The following NRG1 variants were observed in gnomAD, a reference collection of about 807,000 sequenced individuals.
NRG1 encodes the protein pro-neuregulin-1, membrane-bound isoform.
In NRG1, 18 loss-of-function variants were observed where a neutral mutation model predicts 63.8. The ratio of observed to expected loss-of-function variants is 0.28; its 90% CI spans 0.19 to 0.42. NRG1 has a LOEUF of 0.42. Among genes scored for constraint, NRG1 ranks in the 10% least tolerant of loss-of-function variants. The pLI, the probability that NRG1 is intolerant of heterozygous loss-of-function variation, is 1.00. For synonymous variants in NRG1, 302 were observed against 301.3 expected (o/e 1.00, Z -0.02); for missense variants, 762 against 814.7 (o/e 0.94, Z 0.79).
intron 11 of NRG1, among the ~76,000 whole-genome samples, chr8:32,761,738 T>C (rs1331987014): frequency 2.0e-5 from 3 of 150,774 alleles, no homozygotes; most frequent in African/African-American, 7.3e-5. Flanking sequence ...GACTGGGGAG[T>C]ACTTACAATA....
chr8:32,685,262 A>C (rs1809781826), intron 5 of NRG1, among the ~76,000 whole-genome samples: 1 of 152,184 alleles, frequency 6.6e-6, no homozygotes, highest in South Asian at 2.1e-4. Context: ...TTCATATCTC[A>C]GCTCTGCCAC....
intron 11 of NRG1, among the ~76,000 whole-genome samples, chr8:32,762,153 G>A (rs575027805): frequency 6.6e-6 from 1 of 151,850 alleles, no homozygotes; most frequent in Non-Finnish European, 1.5e-5. Flanking sequence ...GAAATCAGAG[G>A]TTTCCCTGCA....
chr8:32,334,644 G>C (rs186968598), intron 1 of NRG1, among the ~76,000 whole-genome samples: 1 of 152,282 alleles, frequency 6.6e-6, no homozygotes, highest in East Asian at 1.9e-4. Context: ...AACTGAAAAG[G>C]CCCTGTTTCA....
intron 1 of NRG1, among the ~76,000 whole-genome samples, chr8:32,386,967 T>TA (rs371410098): frequency 0.11 from 16,887 of 151,886 alleles, 1,120 homozygotes; most frequent in Non-Finnish European, 0.15. Context: ...CTCACATATG[T>TA]AAAAAAAAAT....
chr8:31,681,098 G>A (rs1266971862), intron 1 of NRG1, among the ~76,000 whole-genome samples: 10 of 151,944 alleles, frequency 6.6e-5, no homozygotes, highest in Admixed American at 6.6e-4. Flanking sequence ...AATGCTACAT[G>A]ACAATTGGTT....
At chr8:31,826,144 T>C (rs1397230934) in intron 1 of NRG1, among the ~76,000 whole-genome samples, 1 of 152,166 alleles carries the variant, frequency 6.6e-6, no homozygotes, top group Non-Finnish European at 1.5e-5. Context: ...TATACCTAGG[T>C]GAACCCATGG....
intron 1 of NRG1, among the ~76,000 whole-genome samples, chr8:32,092,342 A>C (rs1563776637): frequency 6.6e-6 from 1 of 151,768 alleles, no homozygotes; most frequent in Non-Finnish European, 1.5e-5. Flanking sequence ...TTGTAGTAAC[A>C]GCTGCTCAAG....
At chr8:31,728,241 A>T (rs1260428296) in intron 1 of NRG1, among the ~76,000 whole-genome samples, 1 of 152,084 alleles carries the variant, frequency 6.6e-6, no homozygotes, top group African/African-American at 2.4e-5. Context: ...AGGTGGGTGG[A>T]TCATCTGAGG....
intron 1 of NRG1, among the ~76,000 whole-genome samples, chr8:31,871,029 G>T (rs1318499463): frequency 2.0e-5 from 3 of 149,166 alleles, no homozygotes; most frequent in Non-Finnish European, 3.0e-5. Context: ...TTGAGACGGA[G>T]TCTCACTCTG....
intron 5 of NRG1, among the ~76,000 whole-genome samples, chr8:32,675,024 C>T (rs1298303856): frequency 1.3e-5 from 2 of 152,138 alleles, no homozygotes; most frequent in African/African-American, 4.8e-5. Context: ...ACAGTTTCAC[C>T]TTAGGGGTGA....
At chr8:32,360,906 G>A (rs966701488) in intron 1 of NRG1, among the ~76,000 whole-genome samples, 4 of 152,158 alleles carry the variant, frequency 2.6e-5, no homozygotes, top group African/African-American at 9.7e-5. Flanking sequence ...CTGGTGGTTC[G>A]GAGGTAGAGC....
At chr8:31,927,810 G>T (rs181061841) in intron 1 of NRG1, among the ~76,000 whole-genome samples, 34 of 150,808 alleles carry the variant, frequency 2.3e-4, no homozygotes, top group Admixed American at 1.8e-3. Context: ...CAAAGTTGAG[G>T]AATTTGTCCT....
At chr8:31,912,566 CTTTTT>C (rs3052846) in intron 1 of NRG1, among the ~76,000 whole-genome samples, 120 of 105,608 alleles carry the variant, frequency 1.1e-3, no homozygotes, top group East Asian at 9.8e-3. Flanking sequence ...TTTAGAAATG[CTTTTT>C]TTTTTTTTTT....
intron 1 of NRG1, among the ~76,000 whole-genome samples, chr8:32,201,102 A>T (rs1843460051): frequency 6.6e-6 from 1 of 152,188 alleles, no homozygotes; most frequent in African/African-American, 2.4e-5. Flanking sequence ...ACTGGCACCC[A>T]AGTTCAGGCA....
At chr8:32,020,430 T>C (rs1816241784) in intron 1 of NRG1, among the ~76,000 whole-genome samples, 1 of 152,208 alleles carries the variant, frequency 6.6e-6, no homozygotes, top group South Asian at 2.1e-4. Context: ...TAAATAATGA[T>C]AGTTTTATTT....
At chr8:31,903,366 G>T (rs1459040989) in intron 1 of NRG1, among the ~76,000 whole-genome samples, 2 of 151,526 alleles carry the variant, frequency 1.3e-5, no homozygotes, top group East Asian at 4.0e-4. Flanking sequence ...AGCCAGGTTG[G>T]TCTTGATCTC....
intron 1 of NRG1, among the ~76,000 whole-genome samples, chr8:32,450,597 G>A (rs1371908660): frequency 6.6e-6 from 1 of 152,002 alleles, no homozygotes; most frequent in African/African-American, 2.4e-5. Flanking sequence ...TGTATTTTTT[G>A]TAGAGATGGA....
At chr8:32,113,100 C>T (rs745735133) in intron 1 of NRG1, among the ~76,000 whole-genome samples, 10 of 152,254 alleles carry the variant, frequency 6.6e-5, no homozygotes, top group South Asian at 4.1e-4. Flanking sequence ...CCACATACCA[C>T]GAAGTTGACC....
In NRG1 at chr8:32,270,608, T is replaced by C. The variant is rs1479993627; in HGVS notation, c.38-325220T>C. 3.3e-5 allele frequency among the ~76,000 whole-genome samples: 5 copies of C among 152,330 alleles called. No homozygotes were observed. The South Asian group carries it at 1.0e-3, about 32-fold the overall frequency. On this transcript the variant is annotated intron_variant, in intron 1 of 10. Coordinates refer to the NRG1 transcript ENST00000519301. Reference sequence around the variant, plus strand: ...ATTTAATAAGTGTTACAGAGTGATGTTTCACTGTCACCTTTAAATACCCCT... The same window carrying C: ...ATTTAATAAGTGTTACAGAGTGATGCTTCACTGTCACCTTTAAATACCCCT...
Sources: gnomAD v4.1 joint callset for allele counts (sites outside exome capture counted in the v4.1 genomes callset) on GRCh38, gnomAD v4.1.1 for gene constraint, MANE v1.5 for transcripts, NCBI Gene and HGNC (gene_info 2026-07-23, HGNC 2026-07-21) for gene names.